Variants in LIMA1 observed in about 807,000 individuals in gnomAD.
The protein encoded by LIMA1 is LIM domain and actin binding 1.
A neutral mutation model predicts 62.6 loss-of-function variants in LIMA1; 52 were observed. The ratio of observed to expected loss-of-function variants is 0.83; its 90% CI spans 0.67 to 1.05. LIMA1 has a LOEUF of 1.05. LIMA1 is among the 50% of genes least tolerant of loss of function. The probability of loss-of-function intolerance (pLI) is 0.00; values close to 1 mark genes in which losing one functional copy is unlikely to be tolerated. For missense variants in LIMA1, 780 were observed against 902.2 expected, an observed-to-expected ratio of 0.86 and a Z score of 1.74; for synonymous variants, 302 against 317.8, an observed-to-expected ratio of 0.95 and a Z score of 0.53.
At chr12:50,184,429 G>A (rs544721312) in intron 9 of LIMA1, among the ~76,000 whole-genome samples, 45 of 152,288 alleles carry the variant, frequency 3.0e-4, no homozygotes, top group African/African-American at 1.0e-3. Context: ...GATCACTTGA[G>A]GTCGAAGTTC....
intron 2 of LIMA1, among the ~76,000 whole-genome samples, chr12:50,235,902 T>C (rs1466292677): frequency 1.3e-5 from 2 of 152,168 alleles, no homozygotes; most frequent in African/African-American, 2.4e-5. Context: ...CGGTGTCTCA[T>C]GCCTGTGATC....
chr12:50,268,001 AACTT>A (rs1331098440), intron 1 of LIMA1, among the ~76,000 whole-genome samples: 1 of 151,934 alleles, frequency 6.6e-6, no homozygotes, highest in Non-Finnish European at 1.5e-5. Flanking sequence ...TTATCTCTAC[AACTT>A]ACTTTTTTTT....
At chr12:50,180,136 A>G (rs1005005916) in intron 10 of LIMA1, among the ~76,000 whole-genome samples, 1 of 152,010 alleles carries the variant, frequency 6.6e-6, no homozygotes, top group Admixed American at 6.6e-5. Flanking sequence ...CCTCATCTCT[A>G]TGAAAAATAC....
At chr12:50,232,766 C>T (rs1222766332) in intron 2 of LIMA1, among the ~76,000 whole-genome samples, 1 of 152,172 alleles carries the variant, frequency 6.6e-6, no homozygotes, top group Non-Finnish European at 1.5e-5. Flanking sequence ...GTGGGTGGAT[C>T]GCCTGAGGTC....
rs578173446 is a variant in LIMA1, at chr12:50,263,234, G to A, written c.-23-14460C>T. Among the ~76,000 whole-genome samples, 4 of 152,168 alleles carry A rather than the reference G, an allele frequency of 2.6e-5. No individual in the cohort carries two copies. The South Asian group carries it at 6.2e-4, about 24-fold the overall frequency. Reference sequence around the variant, plus strand: ...AGAAACTATTTTATTTTTATCTACCGAATAAAAGGGCAACTATAATTTACT... The same window carrying A: ...AGAAACTATTTTATTTTTATCTACCAAATAAAAGGGCAACTATAATTTACT... On this transcript the variant is annotated intron_variant, in intron 1 of 10. Transcript: ENST00000341247.
chr12:50,218,528 AC>A (rs2076750501), intron 4 of LIMA1, among the ~76,000 whole-genome samples: 1 of 152,042 alleles, frequency 6.6e-6, no homozygotes, highest in Non-Finnish European at 1.5e-5. Context: ...CCAAATGTAA[AC>A]ACTTCCCATG....
chr12:50,178,796 A>C (rs1461743207), intron 10 of LIMA1, among the ~76,000 whole-genome samples: 1 of 152,008 alleles, frequency 6.6e-6, no homozygotes, highest in Non-Finnish European at 1.5e-5. Context: ...TCTTATATGA[A>C]AAATGTCATA....
In LIMA1 at chr12:50,209,534, C is replaced by G. The variant is rs552431878; in HGVS notation, c.631-3466G>C. 1.7e-4 allele frequency among the ~76,000 whole-genome samples: 23 copies of G among 135,690 alleles called. No individual in the cohort carries two copies. In the South Asian group the frequency reaches 5.4e-3, roughly 32 times the overall value. 89.0% of individuals were successfully genotyped at this position (135,690 alleles called of 152,430 possible). On this transcript the variant is annotated intron_variant, in intron 4 of 10. Transcript: ENST00000341247. ...AGTGAGCAGAAATTGTGCCACTGCTCTCCAGGCTAGGTGACAGAGCGAGAC... is the reference window on the plus strand; with the variant it reads ...AGTGAGCAGAAATTGTGCCACTGCTGTCCAGGCTAGGTGACAGAGCGAGAC...
intron 4 of LIMA1, among the ~76,000 whole-genome samples, chr12:50,209,032 C>T (rs1276580625): frequency 3.4e-5 from 5 of 147,850 alleles, no homozygotes; most frequent in Non-Finnish European, 4.5e-5. Context: ...GGTCTCACCA[C>T]GTTGCCCAGG....
At chr12:50,266,847 G>A (rs191930289) in intron 1 of LIMA1, among the ~76,000 whole-genome samples, 449 of 152,164 alleles carry the variant, frequency 3.0e-3, no homozygotes, top group Non-Finnish European at 3.5e-3. Flanking sequence ...CTTTAATCAT[G>A]AGTGAGGTTG....
chr12:50,233,626 G>A (rs1261983937), intron 2 of LIMA1, among the ~76,000 whole-genome samples: 1 of 152,196 alleles, frequency 6.6e-6, no homozygotes, highest in Non-Finnish European at 1.5e-5. Flanking sequence ...CCGGGTTCAA[G>A]CATTCTCCTA....
intron 10 of LIMA1, among the ~76,000 whole-genome samples, chr12:50,179,357 G>A (rs1940436440): frequency 1.3e-5 from 2 of 151,980 alleles, no homozygotes; most frequent in Admixed American, 1.3e-4. Context: ...GGCCAGGATA[G>A]TCTCGATCTC....
At chr12:50,255,836 T>C (rs1284960340) in intron 1 of LIMA1, among the ~76,000 whole-genome samples, 1 of 152,182 alleles carries the variant, frequency 6.6e-6, no homozygotes, top group Non-Finnish European at 1.5e-5. Flanking sequence ...TTTATATTTC[T>C]GTACAAAAAT....
At chr12:50,238,931 A>G (rs1370843482) in intron 2 of LIMA1, among the ~76,000 whole-genome samples, 1 of 152,132 alleles carries the variant, frequency 6.6e-6, no homozygotes, top group African/African-American at 2.4e-5. Flanking sequence ...GGGAGAAAAT[A>G]TTTGCAACTC....
intron 1 of LIMA1, among the ~76,000 whole-genome samples, chr12:50,271,676 T>C (rs1942213653): frequency 6.6e-6 from 1 of 152,170 alleles, no homozygotes. Flanking sequence ...ACCAAGACCA[T>C]CACGACAAAG....
Position 50,177,468 on chromosome 12 carries a change from C to T in LIMA1, c.1876G>A (p.Val626Met). 1 of 1,614,096 alleles carries T rather than the reference C, an allele frequency of 6.2e-7. No homozygotes were observed. Among genetic ancestry groups the T allele is most frequent in the Admixed American group, 1.7e-5 (1 of 60,006 alleles). ...TTCCTTTCTGCAACTCTTCCACCCA[C>T]AGACTCTTCACTCTGCTCTGACATG... The part of the protein sequence containing the change: ...WSMSEQSEES[V>M]GGRVAERKQV... The change falls in exon 11 of 11, where the codon GTG becomes ATG. Residue 626 changes from valine to methionine, a missense_variant. Physicochemically the swap from Val to Met is conservative, Grantham distance 21. Transcript: ENST00000341247.
At chr12:50,204,751 A>C in intron 5 of LIMA1, 51 bp from the exon 6 acceptor site, 2 of 1,574,680 alleles carry the variant, frequency 1.3e-6, no homozygotes, top group Non-Finnish European at 1.7e-6. Flanking sequence ...ATGGGGTCTC[A>C]CTCTATCACC....
chr12:50,189,431 C>T (rs1419348083), intron 9 of LIMA1: 2 of 152,108 alleles, frequency 1.3e-5, no homozygotes, highest in Non-Finnish European at 2.9e-5. Context: ...CAGCACAAAC[C>T]ACCTTAAAAC....
chr12:50,228,181 G>C (rs1350491280), intron 3 of LIMA1, among the ~76,000 whole-genome samples: 2 of 152,092 alleles, frequency 1.3e-5, no homozygotes, highest in Non-Finnish European at 2.9e-5. Flanking sequence ...ATCACACCTG[G>C]GTTGTAATTC....
Sources: allele counts gnomAD v4.1 joint callset (sites outside exome capture counted in the v4.1 genomes callset), GRCh38; gene constraint gnomAD v4.1.1; transcripts MANE v1.5; gene names NCBI Gene and HGNC (gene_info 2026-07-23, HGNC 2026-07-21).